DDX10: variants seen among roughly 807,000 people sequenced by gnomAD.
The protein encoded by DDX10 is DEAD-box helicase 10.
A neutral mutation model predicts 104.3 loss-of-function variants in DDX10; 74 were observed. That is an observed-to-expected ratio of 0.71 (90% CI 0.59 to 0.86). DDX10 has a LOEUF of 0.86. DDX10 is among the 40% of genes least tolerant of loss of function. The pLI, the probability that DDX10 is intolerant of heterozygous loss-of-function variation, is 0.00. For missense variants in DDX10, 952 were observed against 1,040.0 expected (o/e 0.92, Z 1.16); for synonymous variants, 351 against 353.4 (o/e 0.99, Z 0.08).
chr11:108,679,081 C>A (rs1173292029), intron 5 of DDX10, among the ~76,000 whole-genome samples: 1 of 151,706 alleles, frequency 6.6e-6, no homozygotes, highest in Admixed American at 6.6e-5. Flanking sequence ...ATGGTCTTGA[C>A]CTCTTGACCT....
chr11:108,891,118 A>C (rs2134639884), intron 16 of DDX10, among the ~76,000 whole-genome samples: 1 of 152,336 alleles, frequency 6.6e-6, no homozygotes, highest in Middle Eastern at 3.4e-3. Context: ...TATAGCAGTT[A>C]CACTGACTGT....
At chr11:108,715,609 C>G (rs975903866) in intron 10 of DDX10, among the ~76,000 whole-genome samples, 1 of 152,174 alleles carries the variant, frequency 6.6e-6, no homozygotes, top group Non-Finnish European at 1.5e-5. Context: ...AGTTAAGTAG[C>G]CAATGCTAAC....
intron 13 of DDX10, among the ~76,000 whole-genome samples, chr11:108,781,785 T>C (rs2134539955): frequency 6.6e-6 from 1 of 152,182 alleles, no homozygotes; most frequent in South Asian, 2.1e-4. Flanking sequence ...GCAGTCTTGG[T>C]TTTGTTTTTT....
Position 108,678,355 on chromosome 11 carries a change from T to C in DDX10, c.578T>C (p.Ile193Thr), listed in dbSNP as rs1046884220. Residue 193 changes from isoleucine to threonine, a missense_variant, in exon 5 of 18, where the codon ATA becomes ACA. Ile to Thr is a moderately conservative substitution (Grantham distance 89, BLOSUM62 -1). Coordinates refer to ENST00000322536, the MANE Select transcript of DDX10 (RefSeq NM_004398.4). ...GCTGAGAGGATCAACAACATAAATA[T>C]ACTCGTGTGCACACCAGGTCGGCTT... ...HEAERINNIN[I>T]LVCTPGRLLQ... 2 of 1,613,074 alleles carry C rather than the reference T, an allele frequency of 1.2e-6. No individual in the cohort carries two copies. The highest frequency in any genetic ancestry group is 1.7e-5 in the Admixed American group (1 of 59,928).
At chr11:108,921,354 A>G (rs1184583009) in intron 17 of DDX10, 2 of 152,178 alleles carry the variant, frequency 1.3e-5, no homozygotes, top group African/African-American at 4.8e-5. Flanking sequence ...AGCGCCAGTA[A>G]AGTTTTTCTG....
At position 108,885,218 on chromosome 11, in the gene DDX10, G is replaced by A. The variant is rs189412828; in HGVS notation, c.2305-32655G>A. On this transcript the variant is annotated intron_variant, in intron 16 of 17. Coordinates refer to ENST00000322536, the MANE Select transcript of DDX10 (RefSeq NM_004398.4). ...TCTTAATGCCCCCATGTCACTACCA[G>A]TTTTTTCTCAAACTCATATCTAATC... 4.6e-5 allele frequency among the ~76,000 whole-genome samples: 7 copies of A among 152,118 alleles called. No individual in the cohort carries two copies. The East Asian group carries it at 1.4e-3, about 29-fold the overall frequency.
At chr11:108,677,297 C>A in intron 4 of DDX10, 54 bp downstream of exon 4, 3 of 1,504,824 alleles carry the variant, frequency 2.0e-6, no homozygotes, top group Non-Finnish European at 2.7e-6. Context: ...TACTGGAGTA[C>A]TGTGGCCGAT....
At chr11:108,697,245 G>A (rs1440706024) in intron 9 of DDX10, among the ~76,000 whole-genome samples, 1 of 127,194 alleles carries the variant, frequency 7.9e-6, no homozygotes, top group Non-Finnish European at 1.7e-5. Flanking sequence ...TTTTTTTTCT[G>A]GCAGTTTAAA....
chr11:108,870,130 C>T (rs1322859553), intron 16 of DDX10, among the ~76,000 whole-genome samples: 1 of 152,114 alleles, frequency 6.6e-6, no homozygotes, highest in African/African-American at 2.4e-5. Context: ...TGTAAATCTA[C>T]AGTTATTTAA....
At position 108,665,284 on chromosome 11, in the gene DDX10, C is replaced by G. The variant is rs149622934; in HGVS notation, c.131C>G (p.Pro44Arg). ...KKQLRKQLKK[P>R]EWQVERESIS... is the part of the protein sequence containing the mutation. The stretch of plus-strand genomic sequence containing the variant: ...CAGTTGAGGAAGCAACTGAAGAAAC[C>G]CGAATGGCAGGTCGAGCGCGAGAGT... Residue 44 changes from proline (P) to arginine (R), a missense_variant, in exon 1 of 18, where the codon CCC becomes CGC. Physicochemically the swap from Pro to Arg is moderately radical, Grantham distance 103. Coordinates refer to ENST00000322536, the MANE Select transcript of DDX10 (RefSeq NM_004398.4). The G allele has an allele frequency of 2.5e-3, 3,981 of 1,607,396 alleles. 11 individuals are homozygous for G. The highest frequency in any genetic ancestry group is 2.7e-3 in the Non-Finnish European group (3,154 of 1,177,358).
intron 1 of DDX10, among the ~76,000 whole-genome samples, chr11:108,670,079 C>T (rs2094215081): frequency 6.6e-6 from 1 of 152,178 alleles, no homozygotes; most frequent in Admixed American, 6.5e-5. Flanking sequence ...GAAATTTATA[C>T]AGAGGCCATG....
intron 4 of DDX10, 131 bp downstream of exon 4, chr11:108,677,374 C>T: frequency 1.3e-6 from 1 of 755,536 alleles, no homozygotes; most frequent in East Asian, 2.7e-5. Flanking sequence ...GGGATAGTAG[C>T]ACTTGGTGTG....
At position 108,715,748 on chromosome 11, in the gene DDX10, C is replaced by G. The variant is rs2094290516; in HGVS notation, c.1323-131C>G. On this transcript the variant is annotated intron_variant, in intron 10 of 17. Transcript: ENST00000322536. ...AACTTATGTCTAGTTTAATTTCCGTCTAATCTGATTCATAGATGAGAAATA... is the reference window on the plus strand; with the variant it reads ...AACTTATGTCTAGTTTAATTTCCGTGTAATCTGATTCATAGATGAGAAATA... 4 of 599,356 alleles carry G rather than the reference C, an allele frequency of 6.7e-6. No homozygotes were observed. In the South Asian group the frequency reaches 8.2e-5, roughly 12 times the overall value. 37.1% of individuals were successfully genotyped at this position (599,356 alleles called of 1,614,324 possible). A position where few individuals can be genotyped will look rare whatever the true frequency, so the allele number is the denominator to read the frequency against.
chr11:108,692,076 G>C, intron 8 of DDX10, 38 bp downstream of exon 8: 1 of 1,547,900 alleles, frequency 6.5e-7, no homozygotes, highest in Non-Finnish European at 8.8e-7. Context: ...CTGTGATTGT[G>C]TGAAATGTAA....
At chr11:108,915,558 A>G (rs989347789) in intron 16 of DDX10, among the ~76,000 whole-genome samples, 6 of 151,968 alleles carry the variant, frequency 3.9e-5, no homozygotes, top group South Asian at 2.1e-4. Context: ...TGCATAATCT[A>G]TGTAATTCAG....
intron 10 of DDX10, among the ~76,000 whole-genome samples, chr11:108,708,292 G>A (rs2094279365): frequency 8.2e-6 from 1 of 122,558 alleles, no homozygotes; most frequent in African/African-American, 2.7e-5. Context: ...ATGAGATCAT[G>A]TGATTTTTTT....
intron 16 of DDX10, among the ~76,000 whole-genome samples, chr11:108,871,799 A>G (rs995680237): frequency 6.6e-6 from 1 of 152,086 alleles, no homozygotes; most frequent in African/African-American, 2.4e-5. Flanking sequence ...GTGGTGTCAC[A>G]TGCCTGTAAT....
In DDX10 at chr11:108,734,646, T is replaced by A. The variant is rs572047255; in HGVS notation, c.1965+11184T>A. ...CTTCTTTTATACAATATTCAATATT[T>A]ATAACATCTGCTAACTACTGAATTT... On this transcript the variant is annotated intron_variant, in intron 13 of 17. Transcript: ENST00000322536. Among the ~76,000 whole-genome samples the A allele has an allele frequency of 3.9e-5, 6 of 152,334 alleles. No homozygotes were observed. In the East Asian group the frequency reaches 1.2e-3, roughly 29 times the overall value.
At chr11:108,915,968 AAG>A (rs1011453285) in intron 16 of DDX10, among the ~76,000 whole-genome samples, 1 of 151,128 alleles carries the variant, frequency 6.6e-6, no homozygotes, top group Non-Finnish European at 1.5e-5. Context: ...AAAAAAAAAA[AAG>A]TTCTTTAGGA....
Sources: gnomAD v4.1 joint callset for allele counts (sites outside exome capture counted in the v4.1 genomes callset) on GRCh38, gnomAD v4.1.1 for gene constraint, MANE v1.5 for transcripts, NCBI Gene and HGNC (gene_info 2026-07-23, HGNC 2026-07-21) for gene names.